IQANK1: variants seen among roughly 807,000 people sequenced by gnomAD.
The protein encoded by IQANK1 is IQ motif and ankyrin repeat containing 1, also known as IQ motif and ankyrin repeat domain-containing protein 1.
In IQANK1, 30 loss-of-function variants were observed where a neutral mutation model predicts 22.6. That is an observed-to-expected ratio of 1.33 (90% CI 0.99 to 1.80). The LOEUF (loss-of-function observed/expected upper bound fraction) is 1.80, where lower values mean the gene tolerates loss of function less well. Ranked by LOEUF, IQANK1 falls within the 40% of genes most tolerant of loss-of-function variation. IQANK1 has a pLI of 0.00. For synonymous variants in IQANK1, 122 were observed against 99.6 expected (o/e 1.23, Z -1.34); for missense variants, 275 against 235.2 (o/e 1.17, Z -1.11).
intron 3 of IQANK1, among the ~76,000 whole-genome samples, chr8:143,753,857 T>C (rs1819240107): frequency 6.6e-6 from 1 of 152,200 alleles, no homozygotes; most frequent in Admixed American, 6.5e-5. Flanking sequence ...AAACTGGACA[T>C]TTGAATCTAA....
At chr8:143,766,922 C>T (rs1179974933) in intron 3 of IQANK1, among the ~76,000 whole-genome samples, 1 of 152,180 alleles carries the variant, frequency 6.6e-6, no homozygotes, top group East Asian at 1.9e-4. Flanking sequence ...GATTGGACCC[C>T]ACCACTGACT....
intron 7 of IQANK1, among the ~76,000 whole-genome samples, chr8:143,782,538 C>T (rs782399420): frequency 3.8e-4 from 57 of 151,874 alleles, no homozygotes; most frequent in Admixed American, 6.6e-4. Flanking sequence ...TGGAGTGCAA[C>T]GGCACAATCT....
At chr8:143,751,693 A>G (rs1819197700) in intron 3 of IQANK1, among the ~76,000 whole-genome samples, 1 of 73,694 alleles carries the variant, frequency 1.4e-5, no homozygotes, top group Non-Finnish European at 3.9e-5. Flanking sequence ...CCTATACAAA[A>G]CAGACATAGA....
At position 143,772,180 on chromosome 8, in the gene IQANK1, C is replaced by G. The variant is rs556176430; in HGVS notation, c.600C>G (p.Ala200=). The change falls in exon 6 of 14, where the codon GCC becomes GCG. Residue 200 remains alanine (A), a synonymous_variant. Coordinates refer to ENST00000527139, the MANE Select transcript of IQANK1 (RefSeq NM_001381874.1). ...GGAACACGCCGCTGTCGGAGGCGGCCGCAGGCGGGCAGCCCCTGGCCATCC... is the reference window on the plus strand; with the variant it reads ...GGAACACGCCGCTGTCGGAGGCGGCGGCAGGCGGGCAGCCCCTGGCCATCC... ...SYGNTPLSEA[A]AGGQPLAIQL... 979 of 393,844 alleles carry G rather than the reference C, an allele frequency of 2.5e-3. 5 individuals carry two copies. Among genetic ancestry groups the G allele is most frequent in the Non-Finnish European group, 3.2e-3 (719 of 222,958 alleles). 24.4% of individuals were successfully genotyped at this position (393,844 alleles called of 1,614,324 possible).
chr8:143,740,785 A>G (rs1356015729), intron 3 of IQANK1, among the ~76,000 whole-genome samples: 5 of 151,668 alleles, frequency 3.3e-5, no homozygotes. Flanking sequence ...GTACCCCACC[A>G]CCCCGCCCCA....
Position 143,773,325 on chromosome 8 carries a change from ACAC to A in IQANK1, c.789+844_789+846del, listed in dbSNP as rs1563777450. On this transcript the variant is annotated intron_variant, in intron 7 of 13. Coordinates refer to ENST00000527139, the MANE Select transcript of IQANK1 (RefSeq NM_001381874.1). ...CAAAAAAAAAAAAAAAACAAAAAAA[ACAC>A]AAAAAAAACAGAGTCTGCCCTGGGC... Among the ~76,000 whole-genome samples, 193 of 137,718 alleles carry A rather than the reference ACAC, an allele frequency of 1.4e-3. 1 individual carries two copies. Among genetic ancestry groups the A allele is most frequent in the African/African-American group, 3.9e-3 (131 of 33,640 alleles). The allele number at this position is 137,718 out of a possible 152,430, so 90.3% of individuals were successfully genotyped here. A position where few individuals can be genotyped will look rare whatever the true frequency, so the allele number is the denominator to read the frequency against.
chr8:143,734,829 C>G (rs1554625421), intron 1 of IQANK1, among the ~76,000 whole-genome samples: 1 of 151,664 alleles, frequency 6.6e-6, no homozygotes, highest in African/African-American at 2.4e-5. Context: ...ACCAGACGCC[C>G]CCCCATGTAC....
At chr8:143,742,962 T>C (rs536479880) in intron 3 of IQANK1, 1 of 456,094 alleles carries the variant, frequency 2.2e-6, no homozygotes, top group Admixed American at 2.3e-5. Flanking sequence ...AGCCTAGATC[T>C]ATGGACCCCT....
chr8:143,773,116 G>A (rs1481698604), intron 7 of IQANK1, among the ~76,000 whole-genome samples: 1 of 152,130 alleles, frequency 6.6e-6, no homozygotes, highest in African/African-American at 2.4e-5. Flanking sequence ...AGACCATCCT[G>A]GCCAACATGG....
chr8:143,738,505 C>T (rs903729718), intron 2 of IQANK1, among the ~76,000 whole-genome samples: 8 of 152,204 alleles, frequency 5.3e-5, no homozygotes, highest in African/African-American at 1.7e-4. Context: ...CTCCACGGCG[C>T]GGTGGCTCGC....
chr8:143,770,224 G>C (rs1268467849), intron 3 of IQANK1, among the ~76,000 whole-genome samples: 1 of 152,238 alleles, frequency 6.6e-6, no homozygotes, highest in African/African-American at 2.4e-5. Flanking sequence ...TCTGATGCCT[G>C]TTGTTCATGC....
Position 143,776,925 on chromosome 8 carries a change from T to A in IQANK1, c.789+4443T>A, listed in dbSNP as rs1036790665. ...ATTGGGTGGAGTTCTCAGAAGGAGC[T>A]TGGCTCAGTGGTGAGGGATCATTAT... On this transcript the variant is annotated intron_variant, in intron 7 of 13. Coordinates refer to ENST00000527139, the MANE Select transcript of IQANK1 (RefSeq NM_001381874.1). Among the ~76,000 whole-genome samples, 5 of 151,998 alleles carry A rather than the reference T, an allele frequency of 3.3e-5. No homozygotes were observed. In the South Asian group the frequency reaches 1.0e-3, roughly 32 times the overall value.
chr8:143,759,811 T>C (rs1358709800), intron 3 of IQANK1: 1 of 152,148 alleles, frequency 6.6e-6, no homozygotes, highest in African/African-American at 2.4e-5. Flanking sequence ...ATTAACCTGG[T>C]AGGAAAGAAA....
In IQANK1 at chr8:143,735,366, G is replaced by A. The variant is rs782580816; in HGVS notation, c.-4-484G>A. Among the ~76,000 whole-genome samples, 2 of 152,222 alleles carry A rather than the reference G, an allele frequency of 1.3e-5. No individual in the cohort carries two copies. The highest frequency in any genetic ancestry group is 2.4e-5 in the African/African-American group (1 of 41,446). ...TCTGCCAGAGCCGGGACCACATAAG[G>A]TCTGAGGGTGTGGAGGGGTGAGTGC... On this transcript the variant is annotated intron_variant, in intron 1 of 13. Transcript: ENST00000527139. This position sits in a 1 kb window ranked among gnomAD's most constrained non-coding sequence, Gnocchi z 5.2.
intron 7 of IQANK1, among the ~76,000 whole-genome samples, chr8:143,787,787 G>A (rs548890602): frequency 4.5e-4 from 68 of 151,376 alleles, no homozygotes; most frequent in African/African-American, 8.0e-4. Context: ...TCCTTCCCAC[G>A]CCACAAACCC....
chr8:143,744,883 G>C (rs1818996978), intron 3 of IQANK1: 1 of 152,258 alleles, frequency 6.6e-6, no homozygotes, highest in Non-Finnish European at 1.5e-5. Context: ...GGACCCACTA[G>C]AGATGGACTT....
intron 2 of IQANK1, among the ~76,000 whole-genome samples, chr8:143,736,461 C>T (rs1818741792): frequency 1.3e-5 from 2 of 152,024 alleles, no homozygotes; most frequent in South Asian, 4.2e-4. Context: ...AATCTTATAC[C>T]CCTGGGGTTG....
intron 3 of IQANK1, chr8:143,743,125 G>C (rs1554626844): frequency 2.3e-6 from 1 of 431,748 alleles, no homozygotes. Context: ...GGCCTTGCCA[G>C]GCTGACGTCG....
intron 12 of IQANK1, 23 bp downstream of exon 12, chr8:143,790,087 G>A (rs1232833481): frequency 8.1e-7 from 1 of 1,232,002 alleles, no homozygotes; most frequent in Non-Finnish European, 1.0e-6. Flanking sequence ...GGCCAGACGT[G>A]GGCGATTTGG....
Sources: gnomAD v4.1 joint callset for allele counts (sites outside exome capture counted in the v4.1 genomes callset) on GRCh38, gnomAD v4.1.1 for gene constraint, Gnocchi (gnomAD v3.1) non-coding constraint, MANE v1.5 for transcripts, NCBI Gene and HGNC (gene_info 2026-07-23, HGNC 2026-07-21) for gene names.